MPRIP: variants seen among roughly 807,000 people sequenced by gnomAD.
MPRIP encodes myosin phosphatase Rho interacting protein.
Under a neutral mutation model 234.9 loss-of-function variants are expected in MPRIP, and 59 were observed. The ratio of observed to expected loss-of-function variants is 0.25; its 90% CI spans 0.20 to 0.31. The LOEUF (loss-of-function observed/expected upper bound fraction) is 0.31. Among genes scored for constraint, MPRIP ranks in the 10% least tolerant of loss-of-function variants. The probability of loss-of-function intolerance (pLI) is 1.00; values close to 1 mark genes in which losing one functional copy is unlikely to be tolerated. For synonymous variants in MPRIP, 1,144 were observed against 1,263.9 expected, an observed-to-expected ratio of 0.91 and a Z score of 2.01; for missense variants, 2,436 against 3,071.0, an observed-to-expected ratio of 0.79 and a Z score of 4.89.
At chr17:17,047,842 G>T (rs1397517493) in intron 1 of MPRIP, among the ~76,000 whole-genome samples, 1 of 152,192 alleles carries the variant, frequency 6.6e-6, no homozygotes, top group Non-Finnish European at 1.5e-5. Flanking sequence ...GGAGGTGGTT[G>T]CTGAAATCAT....
intron 1 of MPRIP, among the ~76,000 whole-genome samples, chr17:17,067,790 C>CTTTTTTTTTTTTTTTTTTTTTTTTTTTT (rs35187618): frequency 1.3e-5 from 1 of 76,748 alleles, no homozygotes; most frequent in African/African-American, 4.6e-5. Context: ...CTTCTTCTTC[C>CTTTTTTTTTTTTTTTTTTTTTTTTTTTT]TTTTTTTTTT....
intron 21 of MPRIP, 56 bp downstream of exon 21, chr17:17,176,568 C>T (rs1247807954): frequency 4.5e-6 from 6 of 1,337,604 alleles, no homozygotes; most frequent in East Asian, 2.3e-5. Flanking sequence ...AGGTGACATG[C>T]GCCTCCTGAA....
At chr17:17,169,936 G>A (rs1420227641) in intron 16 of MPRIP, 1 of 152,000 alleles carries the variant, frequency 6.6e-6, no homozygotes, top group African/African-American at 2.4e-5. Flanking sequence ...AAGCAACTAG[G>A]TCTTTAAAGA....
intron 1 of MPRIP, among the ~76,000 whole-genome samples, chr17:17,056,284 G>A (rs538526280): frequency 6.6e-6 from 1 of 152,192 alleles, no homozygotes; most frequent in Admixed American, 6.5e-5. Flanking sequence ...CTGCGAAGAC[G>A]TTGCCCCAGA....
chr17:17,146,899 G>A (rs553385678), intron 10 of MPRIP, among the ~76,000 whole-genome samples: 1 of 152,272 alleles, frequency 6.6e-6, no homozygotes, highest in Non-Finnish European at 1.5e-5. Flanking sequence ...TGGTTAGGAG[G>A]CCACATGGCC....
At chr17:17,074,172 G>A (rs2089270452) in intron 1 of MPRIP, among the ~76,000 whole-genome samples, 1 of 152,250 alleles carries the variant, frequency 6.6e-6, no homozygotes, top group African/African-American at 2.4e-5. Flanking sequence ...CACATCAGGA[G>A]GACCCATGAG....
At chr17:17,087,937 A>G (rs551835343) in intron 3 of MPRIP, among the ~76,000 whole-genome samples, 7 of 152,308 alleles carry the variant, frequency 4.6e-5, no homozygotes, top group East Asian at 3.9e-4. Flanking sequence ...TTCCTGTTAC[A>G]TAAGTGGTGA....
intron 23 of MPRIP, chr17:17,182,675 G>T (rs2046396609): frequency 6.6e-6 from 1 of 152,274 alleles, no homozygotes; most frequent in Non-Finnish European, 1.5e-5. Context: ...TCTGCCCTTT[G>T]TCACTGGGGC....
At chr17:17,057,463 A>G (rs2088735226) in intron 1 of MPRIP, among the ~76,000 whole-genome samples, 1 of 152,176 alleles carries the variant, frequency 6.6e-6, no homozygotes, top group Admixed American at 6.5e-5. Flanking sequence ...TGAAGGCTGG[A>G]GACCCCAGGG....
chr17:17,075,146 G>T (rs2089297862), intron 1 of MPRIP, among the ~76,000 whole-genome samples: 2 of 152,172 alleles, frequency 1.3e-5, no homozygotes, highest in South Asian at 4.1e-4. Context: ...TCACATCAGA[G>T]TCATGAGGTT....
Position 17,173,902 on chromosome 17 carries a change from T to C in MPRIP, c.6591-14T>C. ...CAGAAGCAGGCAGAGGAGTGAGTGC[T>C]GCCCTCTCCCCAGGGAGGAGCTGCA... On this transcript the variant is annotated splice_polypyrimidine_tract_variant and intron_variant, in intron 18 of 23. Coordinates refer to ENST00000651222, the MANE Select transcript of MPRIP (RefSeq NM_001364716.4). 5 of 1,613,200 alleles carry C rather than the reference T, an allele frequency of 3.1e-6. No individual in the cohort carries two copies. Among genetic ancestry groups the C allele is most frequent in the Non-Finnish European group, 4.2e-6 (5 of 1,179,848 alleles).
intron 1 of MPRIP, among the ~76,000 whole-genome samples, chr17:17,055,046 T>A (rs9900016): frequency 1.6e-3 from 241 of 149,056 alleles, no homozygotes; most frequent in African/African-American, 5.0e-3. Context: ...CGAGACCCTG[T>A]ATCAAAAAAA....
At chr17:17,051,573 G>A (rs1308114774) in intron 1 of MPRIP, among the ~76,000 whole-genome samples, 2 of 152,188 alleles carry the variant, frequency 1.3e-5, no homozygotes, top group African/African-American at 4.8e-5. Flanking sequence ...GTCATCTCTG[G>A]GGCCATTTGG....
intron 3 of MPRIP, among the ~76,000 whole-genome samples, chr17:17,107,207 G>T (rs928949200): frequency 1.3e-5 from 2 of 152,180 alleles, no homozygotes; most frequent in Non-Finnish European, 2.9e-5. Context: ...GGTGTTTGTG[G>T]GTTTTCTCTG....
At chr17:17,053,228 G>A (rs1024372107) in intron 1 of MPRIP, among the ~76,000 whole-genome samples, 4 of 152,056 alleles carry the variant, frequency 2.6e-5, no homozygotes, top group South Asian at 4.1e-4. Context: ...GAATGGTGGC[G>A]AGCCCAGATT....
intron 3 of MPRIP, among the ~76,000 whole-genome samples, chr17:17,085,204 G>A (rs577699333): frequency 1.2e-4 from 19 of 152,332 alleles, no homozygotes; most frequent in Admixed American, 1.0e-3. Context: ...CTCTCTCCCT[G>A]TGTAGGCACC....
chr17:17,165,008 G>A lies in MPRIP; in HGVS notation c.3417G>A (p.Glu1139=), dbSNP rs2045953301. ...AELREKLRRR[E]ADNQSLEHSY... ...TCCGGGAAAAGCTGAGGAGAAGAGA[G>A]GCTGACAACCAGAGCCTGGAGCACT... The change falls in exon 16 of 24, where the codon GAG becomes GAA. Residue 1139 remains glutamate, a synonymous_variant. Coordinates refer to ENST00000651222, the MANE Select transcript of MPRIP (RefSeq NM_001364716.4). The A allele has an allele frequency of 1.5e-6, 2 of 1,301,842 alleles. No homozygotes were observed. Among genetic ancestry groups the A allele is most frequent in the South Asian group, 2.5e-5 (2 of 81,028 alleles). The allele number at this position is 1,301,842 out of a possible 1,614,324, so 80.6% of individuals were successfully genotyped here. A position where few individuals can be genotyped will look rare whatever the true frequency, so the allele number is the denominator to read the frequency against.
intron 3 of MPRIP, among the ~76,000 whole-genome samples, chr17:17,082,927 G>A (rs557574534): frequency 6.6e-6 from 1 of 152,354 alleles, no homozygotes; most frequent in Non-Finnish European, 1.5e-5. Context: ...CCTGGTTGGT[G>A]TCAGAATTTC....
At chr17:17,142,596 C>A (rs80023876) in intron 7 of MPRIP, 31 bp from the exon 8 acceptor site, 2 of 1,607,452 alleles carry the variant, frequency 1.2e-6, no homozygotes, top group African/African-American at 1.3e-5. Flanking sequence ...CACCTCACTG[C>A]CACCTCAGGG....
Sources: gnomAD v4.1 joint callset for allele counts (sites outside exome capture counted in the v4.1 genomes callset) on GRCh38, gnomAD v4.1.1 for gene constraint, MANE v1.5 for transcripts, NCBI Gene and HGNC (gene_info 2026-07-23, HGNC 2026-07-21) for gene names.